Variants in GPR158 observed in about 807,000 individuals in gnomAD.
The protein encoded by GPR158 is metabotropic glycine receptor.
In GPR158, 30 loss-of-function variants were observed where a neutral mutation model predicts 78.2. That is an observed-to-expected ratio of 0.38 (90% CI 0.29 to 0.52). GPR158 has a LOEUF of 0.52. GPR158 is among the 20% of genes least tolerant of loss of function. GPR158 has a pLI of 0.83. For synonymous variants in GPR158, 581 were observed against 591.1 expected (o/e 0.98, Z 0.25); for missense variants, 1,463 against 1,523.5 (o/e 0.96, Z 0.66).
At chr10:25,588,975 A>T (rs750680852) in intron 7 of GPR158, 32 bp from the exon 8 acceptor site, 3 of 1,468,896 alleles carry the variant, frequency 2.0e-6, no homozygotes, top group Non-Finnish European at 1.8e-6. Flanking sequence ...TTCACCTATA[A>T]AACTCATGAA....
intron 1 of GPR158, among the ~76,000 whole-genome samples, chr10:25,194,144 C>T (rs1852813085): frequency 6.6e-6 from 1 of 152,154 alleles, no homozygotes. Context: ...CATTTCTTGA[C>T]ACACACGTTG....
At chr10:25,474,499 A>G (rs1187435334) in intron 5 of GPR158, among the ~76,000 whole-genome samples, 2 of 152,116 alleles carry the variant, frequency 1.3e-5, no homozygotes, top group Admixed American at 1.3e-4. Context: ...TTTTTTAGAA[A>G]TGCTTTCCTC....
chr10:25,451,669 AT>A (rs1227207437), intron 4 of GPR158, among the ~76,000 whole-genome samples: 2 of 152,006 alleles, frequency 1.3e-5, no homozygotes, highest in Admixed American at 6.6e-5. Flanking sequence ...TTGGCCATAT[AT>A]TTTTTTTAAC....
intron 5 of GPR158, among the ~76,000 whole-genome samples, chr10:25,532,350 A>G (rs1432596842): frequency 6.6e-6 from 1 of 152,142 alleles, no homozygotes; most frequent in African/African-American, 2.4e-5. Context: ...TTTTATGTGT[A>G]TTCTGTTCTT....
In GPR158 at chr10:25,175,312, A is replaced by C. The variant is rs1246202757; in HGVS notation, c.-109A>C. 7.5e-6 allele frequency: 5 copies of C among 664,864 alleles called. No homozygotes were observed. Among genetic ancestry groups the C allele is most frequent in the Non-Finnish European group, 1.0e-5 (4 of 381,440 alleles). The allele number at this position is 664,864 out of a possible 1,614,324, so 41.2% of individuals were successfully genotyped here. Reference sequence around the variant, plus strand: ...GTCCTTTGGACTGGGTGCCATCTGGAGAAGGGGGAAGACTCCTCGAAAAAG... The same window carrying C: ...GTCCTTTGGACTGGGTGCCATCTGGCGAAGGGGGAAGACTCCTCGAAAAAG... On this transcript the variant is annotated 5_prime_UTR_variant, in exon 1 of 11. Transcript: ENST00000376351. The surrounding 1 kb of genome is among the most constrained non-coding windows in gnomAD (Gnocchi z 6.4).
chr10:25,236,486 C>T (rs868304318), intron 2 of GPR158, among the ~76,000 whole-genome samples: 52 of 152,120 alleles, frequency 3.4e-4, no homozygotes, highest in African/African-American at 1.1e-3. Flanking sequence ...CCAGCCTGGG[C>T]GACAGAGCGA....
At chr10:25,510,663 G>C (rs979480278) in intron 5 of GPR158, among the ~76,000 whole-genome samples, 3 of 152,156 alleles carry the variant, frequency 2.0e-5, no homozygotes, top group African/African-American at 7.2e-5. Context: ...CCTGAGCAGT[G>C]TACACTGTAC....
intron 1 of GPR158, among the ~76,000 whole-genome samples, chr10:25,188,152 G>A (rs1032450262): frequency 1.3e-5 from 2 of 152,102 alleles, no homozygotes; most frequent in African/African-American, 4.8e-5. Context: ...ACAAATGGAA[G>A]AACATTCCAT....
At chr10:25,427,633 C>G (rs1299133415) in intron 4 of GPR158, among the ~76,000 whole-genome samples, 1 of 151,972 alleles carries the variant, frequency 6.6e-6, no homozygotes, top group African/African-American at 2.4e-5. Context: ...CTGGCACTTG[C>G]ATGCTTTGCT....
intron 2 of GPR158, among the ~76,000 whole-genome samples, chr10:25,331,111 A>G (rs1855114147): frequency 6.6e-6 from 1 of 151,780 alleles, no homozygotes; most frequent in South Asian, 2.1e-4. Flanking sequence ...TTTTATATAT[A>G]TATATTTTTG....
At chr10:25,252,985 C>G (rs556632342) in intron 2 of GPR158, among the ~76,000 whole-genome samples, 1 of 152,352 alleles carries the variant, frequency 6.6e-6, no homozygotes, top group South Asian at 2.1e-4. Context: ...GCGTAGGACC[C>G]TCAGAGCCAG....
At chr10:25,415,539 A>G (rs951494857) in intron 4 of GPR158, among the ~76,000 whole-genome samples, 3 of 152,118 alleles carry the variant, frequency 2.0e-5, no homozygotes, top group African/African-American at 7.2e-5. Flanking sequence ...ACTCTCATTC[A>G]TTCCTGTTGG....
intron 2 of GPR158, among the ~76,000 whole-genome samples, chr10:25,234,434 A>G (rs551749579): frequency 2.4e-4 from 36 of 152,250 alleles, no homozygotes; most frequent in Non-Finnish European, 4.6e-4. Context: ...TGAGTGCATT[A>G]TGGGTAAGAA....
chr10:25,238,962 G>A (rs1389154693), intron 2 of GPR158, among the ~76,000 whole-genome samples: 2 of 152,178 alleles, frequency 1.3e-5, no homozygotes, highest in Non-Finnish European at 2.9e-5. Context: ...GGGTGGTATT[G>A]TGTGGTCTAA....
At chr10:25,234,153 T>A (rs2130698522) in intron 2 of GPR158, among the ~76,000 whole-genome samples, 1 of 152,320 alleles carries the variant, frequency 6.6e-6, no homozygotes, top group Middle Eastern at 3.4e-3. Flanking sequence ...ACTCATCAGC[T>A]ACTGCATGAT....
intron 1 of GPR158, among the ~76,000 whole-genome samples, chr10:25,203,062 AGT>A (rs1224281199): frequency 6.6e-6 from 1 of 152,166 alleles, no homozygotes; most frequent in Non-Finnish European, 1.5e-5. Context: ...TCTTTTGAGA[AGT>A]GTCTGTTCAT....
intron 2 of GPR158, among the ~76,000 whole-genome samples, chr10:25,337,473 G>A (rs149182678): frequency 3.3e-5 from 5 of 152,120 alleles, no homozygotes; most frequent in African/African-American, 4.8e-5. Flanking sequence ...TATATCTTGC[G>A]TAGCAATAGT....
chr10:25,271,467 T>A (rs1014861384), intron 2 of GPR158, among the ~76,000 whole-genome samples: 3 of 152,208 alleles, frequency 2.0e-5, no homozygotes, highest in Admixed American at 2.0e-4. Flanking sequence ...GGAAGCCATC[T>A]TATTGACATA....
At position 25,200,872 on chromosome 10, in the gene GPR158, T is replaced by TG. The variant is rs1486589934; in HGVS notation, c.903-20180_903-20179insG. Among the ~76,000 whole-genome samples, 72 of 148,604 alleles carry TG rather than the reference T, an allele frequency of 4.8e-4. No individual in the cohort carries two copies. The East Asian group carries it at 5.9e-3, about 12-fold the overall frequency. On this transcript the variant is annotated intron_variant, in intron 1 of 10. Transcript: ENST00000376351. The stretch of plus-strand genomic sequence containing the variant: ...TATGTATCTGTTTTTTGTTTTGTTT[T>TG]TTTTTTTTTTTTTTTCAGTACCATG...
Sources: allele counts gnomAD v4.1 joint callset (sites outside exome capture counted in the v4.1 genomes callset), GRCh38; gene constraint gnomAD v4.1.1; non-coding constraint Gnocchi (gnomAD v3.1); transcripts MANE v1.5; gene names NCBI Gene and HGNC (gene_info 2026-07-23, HGNC 2026-07-21).